PCDHA10: variants seen among roughly 807,000 people sequenced by gnomAD.
The protein encoded by PCDHA10 is protocadherin alpha-10.
A neutral mutation model predicts 61.2 loss-of-function variants in PCDHA10; 45 were observed. The ratio of observed to expected loss-of-function variants is 0.74; its 90% CI spans 0.58 to 0.94. The LOEUF (loss-of-function observed/expected upper bound fraction) is 0.94. Ranked by LOEUF, PCDHA10 falls within the 40% of genes least tolerant of loss-of-function variation. PCDHA10 has a pLI of 0.00. For synonymous variants in PCDHA10, 602 were observed against 548.8 expected, an observed-to-expected ratio of 1.10 and a Z score of -1.35; for missense variants, 1,278 against 1,236.2, an observed-to-expected ratio of 1.03 and a Z score of -0.51.
intron 1 of PCDHA10, chr5:140,869,367 T>G (rs2051076893): frequency 6.2e-7 from 1 of 1,614,002 alleles, no homozygotes; most frequent in South Asian, 1.1e-5. Context: ...TTGTGAATTC[T>G]CGGATCGACC....
chr5:140,988,864 C>T (rs1017144453), intron 3 of PCDHA10: 2 of 152,190 alleles, frequency 1.3e-5, no homozygotes, highest in Non-Finnish European at 2.9e-5. Flanking sequence ...GTCTCATGTG[C>T]ACTCAGATGT....
chr5:140,877,224 G>C (rs986695805), intron 1 of PCDHA10: 6 of 1,613,712 alleles, frequency 3.7e-6, no homozygotes, highest in Admixed American at 1.7e-5. Flanking sequence ...TACCGCGGTC[G>C]GTGGGTGCGG....
At chr5:140,864,765 T>C (rs1345308303) in intron 1 of PCDHA10, 1 of 152,222 alleles carries the variant, frequency 6.6e-6, no homozygotes, top group Non-Finnish European at 1.5e-5. Context: ...TTTCTTTCAT[T>C]TTTGGTACCT....
intron 1 of PCDHA10, chr5:140,877,514 G>C: frequency 6.2e-7 from 1 of 1,613,764 alleles, no homozygotes; most frequent in South Asian, 1.1e-5. Context: ...ACGTCGTCGC[G>C]GGCCTCAGTG....
At chr5:140,903,545 C>T (rs1562939927) in intron 1 of PCDHA10, among the ~76,000 whole-genome samples, 3 of 152,130 alleles carry the variant, frequency 2.0e-5, no homozygotes, top group Non-Finnish European at 4.4e-5. Context: ...GAGCAAGAAA[C>T]TTTTCTAATA....
chr5:140,900,180 T>G (rs1223345758), intron 1 of PCDHA10, among the ~76,000 whole-genome samples: 3 of 152,228 alleles, frequency 2.0e-5, no homozygotes, highest in Non-Finnish European at 4.4e-5. Context: ...CTGGTTTATG[T>G]CACTTATAAT....
intron 1 of PCDHA10, chr5:140,883,245 G>A (rs267600403): frequency 6.2e-7 from 1 of 1,613,898 alleles, no homozygotes; most frequent in Non-Finnish European, 8.5e-7. Flanking sequence ...GTTGACAAAG[G>A]AAATATTCCA....
intron 1 of PCDHA10, among the ~76,000 whole-genome samples, chr5:140,900,565 C>T (rs368765128): frequency 1.2e-4 from 19 of 152,248 alleles, no homozygotes; most frequent in South Asian, 1.2e-3. Context: ...GCGTGAGCCA[C>T]GGCACCGGCC....
intron 1 of PCDHA10, among the ~76,000 whole-genome samples, chr5:140,939,959 G>A (rs1272327380): frequency 6.6e-6 from 1 of 152,150 alleles, no homozygotes; most frequent in Non-Finnish European, 1.5e-5. Flanking sequence ...TTATGTTAAA[G>A]TGTTCCACGA....
chr5:140,876,841 CA>C, intron 1 of PCDHA10: 1 of 1,614,130 alleles, frequency 6.2e-7, no homozygotes, highest in South Asian at 1.1e-5. Flanking sequence ...TGCGTTCGCG[CA>C]GCCCGAGTAC....
chr5:140,937,728 C>T (rs1180728000), intron 1 of PCDHA10, among the ~76,000 whole-genome samples: 4 of 151,954 alleles, frequency 2.6e-5, no homozygotes, highest in African/African-American at 7.2e-5. Flanking sequence ...CTGGCTAACA[C>T]GGTGAAACCC....
intron 1 of PCDHA10, chr5:140,966,863 C>T: frequency 6.4e-7 from 1 of 1,562,680 alleles, no homozygotes; most frequent in East Asian, 2.3e-5. Flanking sequence ...GCTGCTGTTG[C>T]TGCTGCTGCT....
In PCDHA10 at chr5:140,937,678, T is replaced by C. The variant is rs570305485; in HGVS notation, c.2389-41271T>C. On this transcript the variant is annotated intron_variant, in intron 1 of 3. Coordinates refer to ENST00000307360, the MANE Select transcript of PCDHA10 (RefSeq NM_018901.4). ...CTGTAATCCCAGCACTTTGGGAGGC[T>C]GAGGCAGGCGGATCACGAGGTCAGG... Among the ~76,000 whole-genome samples the C allele has an allele frequency of 5.4e-3, 825 of 151,734 alleles. 2 individuals are homozygous for C. Among genetic ancestry groups the C allele is most frequent in the African/African-American group, 0.019 (794 of 41,384 alleles).
chr5:140,877,320 C>G, intron 1 of PCDHA10: 1 of 1,613,972 alleles, frequency 6.2e-7, no homozygotes, highest in Non-Finnish European at 8.5e-7. Context: ...CGGCGGCGGT[C>G]GGCGCGCACA....
intron 1 of PCDHA10, chr5:140,865,648 T>C (rs769799199): frequency 2.6e-5 from 4 of 152,194 alleles, no homozygotes; most frequent in Non-Finnish European, 4.4e-5. Flanking sequence ...AAATACATTA[T>C]TTCATTTAAT....
At chr5:140,966,198 T>C in intron 1 of PCDHA10, 1 of 214,428 alleles carries the variant, frequency 4.7e-6, no homozygotes, top group Non-Finnish European at 9.1e-6. Context: ...TTCTAGGGGC[T>C]TGACTGCTTT....
intron 1 of PCDHA10, among the ~76,000 whole-genome samples, chr5:140,962,354 A>G (rs80298031): frequency 0.023 from 3,560 of 152,266 alleles, 46 homozygotes; most frequent in Middle Eastern, 0.034. Context: ...ACTCCCCCCA[A>G]TACTGGCTAG....
At position 140,979,015 on chromosome 5, in the gene PCDHA10, T is replaced by C. The variant is rs782169362; in HGVS notation, c.2447+8T>C. ...GAGAGCAGGCATGCACAGGTATGTATTTCCCTCCTCATTCACTCAGAAGTA... is the reference window on the plus strand; with the variant it reads ...GAGAGCAGGCATGCACAGGTATGTACTTCCCTCCTCATTCACTCAGAAGTA... On this transcript the variant is annotated splice_region_variant and intron_variant, in intron 2 of 3. Coordinates refer to ENST00000307360, the MANE Select transcript of PCDHA10 (RefSeq NM_018901.4). 1 of 1,613,802 alleles carries C rather than the reference T, an allele frequency of 6.2e-7. No individual in the cohort carries two copies. Among genetic ancestry groups the C allele is most frequent in the Non-Finnish European group, 8.5e-7 (1 of 1,179,916 alleles).
chr5:140,883,401 A>C, intron 1 of PCDHA10: 2 of 1,614,108 alleles, frequency 1.2e-6, no homozygotes, highest in Non-Finnish European at 1.7e-6. Flanking sequence ...TCCGATCGTG[A>C]CTCTGGCTCA....
Sources: allele counts gnomAD v4.1 joint callset (sites outside exome capture counted in the v4.1 genomes callset), GRCh38; gene constraint gnomAD v4.1.1; transcripts MANE v1.5; gene names NCBI Gene and HGNC (gene_info 2026-07-23, HGNC 2026-07-21).